Variants in ZNF44 observed in about 807,000 individuals in gnomAD.
ZNF44 encodes gonadotropin inducible transcription repressor-2.
Under a neutral mutation model 11.7 loss-of-function variants are expected in ZNF44, and 9 were observed. That is an observed-to-expected ratio of 0.77 (90% confidence interval 0.46 to 1.35). ZNF44 has a LOEUF of 1.35. Ranked by LOEUF, ZNF44 falls within the 40% of genes most tolerant of loss-of-function variation. The pLI is 0.00. For missense variants in ZNF44, 696 were observed against 743.1 expected, an observed-to-expected ratio of 0.94 and a Z score of 0.74; for synonymous variants, 224 against 242.7, an observed-to-expected ratio of 0.92 and a Z score of 0.72.
chr19:12,277,050 C>T lies in ZNF44; in HGVS notation c.4-968G>A, dbSNP rs934054250. On this transcript the variant is annotated intron_variant, in intron 1 of 3. Transcript: ENST00000355684. ...TTATAGATTACCCCAGTTCTGGTAT[C>T]CTGTTGTAAGTAACAAAAAAACAGT... is the stretch of plus-strand genomic sequence containing the variant. Among the ~76,000 whole-genome samples, 6 of 152,140 alleles carry T rather than the reference C, an allele frequency of 3.9e-5. No homozygotes were observed. The East Asian group carries it at 1.2e-3, about 29-fold the overall frequency.
exon 8 of ZNF44, chr19:12,247,927 C>T (rs756106014): frequency 7.4e-7 from 1 of 1,348,004 alleles, no homozygotes; most frequent in Admixed American, 2.0e-5. Context: ...AAGGCTTTCC[C>T]ACATTCCTTG....
At position 12,248,522 on chromosome 19, in the gene ZNF44, T is replaced by C. The variant is rs758260688; in HGVS notation, c.*343A>G. On this transcript the variant is annotated 3_prime_UTR_variant and NMD_transcript_variant, in exon 8 of 8. Transcript: ENST00000393337. ...AAGATCTAATGTGCCTGTTAAGGGA[T>C]GAATGATGGCTCAAGACTTTTCCAC... is the stretch of plus-strand genomic sequence containing the variant. 34 of 1,290,902 alleles carry C rather than the reference T, an allele frequency of 2.6e-5. No homozygotes were observed. In the South Asian group the frequency reaches 3.9e-4, roughly 15 times the overall value. The allele number at this position is 1,290,902 out of a possible 1,614,324, so 80.0% of individuals were successfully genotyped here. A position where few individuals can be genotyped will look rare whatever the true frequency, so the allele number is the denominator to read the frequency against.
intron 5 of ZNF44, chr19:12,266,157 C>T: frequency 1.4e-6 from 1 of 713,148 alleles, no homozygotes; most frequent in Non-Finnish European, 1.7e-6. Flanking sequence ...CCGAGCTGTG[C>T]CATGGGGACT....
At chr19:12,278,603 A>C (rs991645935) in intron 1 of ZNF44, among the ~76,000 whole-genome samples, 1 of 151,962 alleles carries the variant, frequency 6.6e-6, no homozygotes, top group African/African-American at 2.4e-5. Context: ...ATGGTGGCGC[A>C]TGCCTGTAGT....
downstream of ZNF44, chr19:12,247,572 A>G (rs1916806667): frequency 7.5e-7 from 1 of 1,340,488 alleles, no homozygotes; most frequent in Non-Finnish European, 9.9e-7. Context: ...GAAACCTGCA[A>G]GAGTAATGTA....
At chr19:12,242,467 A>G (rs1032770288), upstream of ZNF44, among the ~76,000 whole-genome samples, 64 of 150,380 alleles carry the variant, frequency 4.3e-4, no homozygotes, top group Non-Finnish European at 5.5e-4. Context: ...CCGAGATTGC[A>G]CTACTGCACT....
downstream of ZNF44, among the ~76,000 whole-genome samples, chr19:12,245,143 C>T (rs559666570): frequency 1.6e-4 from 25 of 152,188 alleles, no homozygotes; most frequent in South Asian, 2.7e-3. Flanking sequence ...TTTTCTTTAA[C>T]ATTTTTTAAA....
downstream of ZNF44, chr19:12,247,443 G>T: frequency 1.5e-6 from 2 of 1,328,672 alleles, no homozygotes; most frequent in Non-Finnish European, 2.0e-6. Flanking sequence ...ACATTCATAG[G>T]GTTTCTCTCC....
intron 5 of ZNF44, among the ~76,000 whole-genome samples, chr19:12,266,562 A>G (rs1367363464): frequency 2.6e-5 from 4 of 152,240 alleles, no homozygotes; most frequent in Non-Finnish European, 5.9e-5. Context: ...GGTGGGGGAC[A>G]CAGTGCAGAG....
intron 1 of ZNF44, among the ~76,000 whole-genome samples, chr19:12,235,601 A>T (rs898760568): frequency 1.3e-5 from 2 of 152,244 alleles, no homozygotes; most frequent in African/African-American, 2.4e-5. Flanking sequence ...AAATGTATAA[A>T]AAGAATTATA....
At chr19:12,227,779 CATACTT>C (rs1428582920) in intron 3 of ZNF44, among the ~76,000 whole-genome samples, 1 of 152,154 alleles carries the variant, frequency 6.6e-6, no homozygotes, top group Non-Finnish European at 1.5e-5. Context: ...ATACCAATAA[CATACTT>C]ATACAAATAT....
chr19:12,291,108 C>T (rs1344319884), intron 1 of ZNF44: 1 of 346,110 alleles, frequency 2.9e-6, no homozygotes, highest in Non-Finnish European at 5.6e-6. Flanking sequence ...TCAGTTACTA[C>T]TTCCATAATA....
downstream of ZNF44, among the ~76,000 whole-genome samples, chr19:12,271,171 G>C (rs1220220923): frequency 1.3e-5 from 2 of 152,250 alleles, no homozygotes; most frequent in South Asian, 2.1e-4. Context: ...TCTGCAAGTT[G>C]CAAGTGTTAA....
downstream of ZNF44, chr19:12,247,245 T>C (rs1453906347): frequency 4.3e-6 from 5 of 1,160,104 alleles, no homozygotes; most frequent in Non-Finnish European, 5.4e-6. Flanking sequence ...TCGTTAAAAT[T>C]GAAAAACTTT....
chr19:12,285,671 T>C (rs1191143273), intron 1 of ZNF44, among the ~76,000 whole-genome samples: 3 of 152,218 alleles, frequency 2.0e-5, no homozygotes, highest in African/African-American at 7.2e-5. Context: ...ACTGTTAGCA[T>C]GTAGAGACAA....
intron 5 of ZNF44, among the ~76,000 whole-genome samples, chr19:12,262,182 T>C (rs1390883387): frequency 6.6e-6 from 1 of 152,232 alleles, no homozygotes; most frequent in Non-Finnish European, 1.5e-5. Context: ...AAAGATTACA[T>C]AAGTTTTGAG....
chr19:12,268,883 A>G (rs1184745758), downstream of ZNF44, among the ~76,000 whole-genome samples: 1 of 152,040 alleles, frequency 6.6e-6, no homozygotes, highest in Non-Finnish European at 1.5e-5. Flanking sequence ...AGCTGAGACT[A>G]CAGGCGTGCA....
chr19:12,284,480 G>A, intron 1 of ZNF44: 1 of 658,696 alleles, frequency 1.5e-6, no homozygotes, highest in Non-Finnish European at 2.8e-6. Context: ...CCGAGGATAA[G>A]AAGTGGATGC....
At position 12,273,300 on chromosome 19, in the gene ZNF44, A is replaced by G; in HGVS notation, c.955T>C (p.Cys319Arg). 6.2e-7 allele frequency: 1 copy of G among 1,612,842 alleles called. No individual in the cohort carries two copies. The highest frequency in any genetic ancestry group is 1.1e-5 in the South Asian group (1 of 91,002). ...TGTCTTTGAAAGCTTCCAAGATGAC[A>G]AAACGCTTTCCCACACTGTTTACAT... ...YTCKQCGKAF[C>R]HLGSFQRHMI... The change falls in exon 4 of 4, where the codon TGT (cysteine) becomes CGT (arginine). Residue 319 changes from cysteine (C) to arginine (R), a missense_variant. By Grantham distance (180) the Cys-to-Arg change is radical. Coordinates refer to ENST00000355684, the MANE Select transcript of ZNF44 (RefSeq NM_016264.4).
Sources: gnomAD v4.1 joint callset for allele counts (sites outside exome capture counted in the v4.1 genomes callset) on GRCh38, gnomAD v4.1.1 for gene constraint, MANE v1.5 for transcripts, NCBI Gene and HGNC (gene_info 2026-07-23, HGNC 2026-07-21) for gene names.